IMMP2L: variants seen among roughly 807,000 people sequenced by gnomAD.
The protein encoded by IMMP2L is mitochondrial inner membrane protease subunit 2.
In IMMP2L, 18 loss-of-function variants were observed where a neutral mutation model predicts 19.3. That is an observed-to-expected ratio of 0.93 (90% CI 0.64 to 1.38). The LOEUF is 1.38. IMMP2L is among the 40% of genes most tolerant of loss of function. The pLI is 0.00. For missense variants in IMMP2L, 233 were observed against 218.2 expected, an observed-to-expected ratio of 1.07 and a Z score of -0.43; for synonymous variants, 76 against 73.0, an observed-to-expected ratio of 1.04 and a Z score of -0.21.
rs112419277 is a variant in IMMP2L at position 110,930,381 on chromosome 7, T to G, written c.305+33119A>C. Among the ~76,000 whole-genome samples, 199 of 152,090 alleles carry G rather than the reference T, an allele frequency of 1.3e-3. 2 individuals carry two copies. The highest frequency in any genetic ancestry group is 4.7e-3 in the African/African-American group (194 of 41,504). On this transcript the variant is annotated intron_variant, in intron 4 of 5. Transcript: ENST00000405709. ...CAGACAGCCTTGTACCTGTAAACTC[T>G]CATTGTTTACACCACTCATAAAAGC...
intron 5 of IMMP2L, among the ~76,000 whole-genome samples, chr7:110,832,018 C>T (rs1804015195): frequency 6.6e-6 from 1 of 152,202 alleles, no homozygotes; most frequent in African/African-American, 2.4e-5. Context: ...AATCCCCACA[C>T]TTTGGGAGGT....
At chr7:111,461,771 T>C (rs1395108123) in intron 3 of IMMP2L, among the ~76,000 whole-genome samples, 2 of 152,142 alleles carry the variant, frequency 1.3e-5, no homozygotes, top group African/African-American at 4.8e-5. Flanking sequence ...GGAATGTTTT[T>C]CATATTGTTT....
chr7:111,033,082 T>G (rs1790996484), intron 3 of IMMP2L, among the ~76,000 whole-genome samples: 1 of 152,154 alleles, frequency 6.6e-6, no homozygotes, highest in African/African-American at 2.4e-5. Flanking sequence ...ATCGTGCCAC[T>G]GCACTCCAGC....
chr7:111,374,996 T>TACCAA (rs1830557754), intron 3 of IMMP2L, among the ~76,000 whole-genome samples: 1 of 152,108 alleles, frequency 6.6e-6, no homozygotes, highest in South Asian at 2.1e-4. Context: ...GGTAAATATT[T>TACCAA]ACAGTTCCTA....
In IMMP2L at chr7:111,279,960, C is replaced by T. The variant is rs115541524; in HGVS notation, c.239+207278G>A. Among the ~76,000 whole-genome samples the T allele has an allele frequency of 2.6e-3, 401 of 152,236 alleles. 3 individuals are homozygous for T. The highest frequency in any genetic ancestry group is 9.5e-3 in the African/African-American group (393 of 41,544). The stretch of plus-strand genomic sequence containing the variant: ...TGCTGACTAACCCACTAGTGTCAAC[C>T]TTCTTAGTAGTCTCCTACTTCTACT... On this transcript the variant is annotated intron_variant, in intron 3 of 5. Transcript: ENST00000405709.
intron 5 of IMMP2L, among the ~76,000 whole-genome samples, chr7:110,786,862 C>G (rs887027874): frequency 6.6e-6 from 1 of 151,952 alleles, no homozygotes; most frequent in Admixed American, 6.6e-5. Flanking sequence ...AGGCATTTCT[C>G]CATAACACTG....
intron 4 of IMMP2L, among the ~76,000 whole-genome samples, chr7:110,895,435 T>C (rs1811227824): frequency 6.6e-6 from 1 of 152,170 alleles, no homozygotes; most frequent in South Asian, 2.1e-4. Context: ...TGTGGCTTTA[T>C]AGGTCTTGAA....
chr7:111,193,158 T>C (rs1809084111), intron 3 of IMMP2L, among the ~76,000 whole-genome samples: 1 of 152,182 alleles, frequency 6.6e-6, no homozygotes, highest in Non-Finnish European at 1.5e-5. Flanking sequence ...CTTTTGTTTA[T>C]TTCTCTTTTG....
chr7:111,409,512 C>T (rs1321808456), intron 3 of IMMP2L, among the ~76,000 whole-genome samples: 3 of 151,702 alleles, frequency 2.0e-5, no homozygotes, highest in Non-Finnish European at 2.9e-5. Context: ...CTTGCACATA[C>T]ATGCAAGTAA....
At chr7:111,380,982 G>A (rs1355370260) in intron 3 of IMMP2L, among the ~76,000 whole-genome samples, 1 of 151,910 alleles carries the variant, frequency 6.6e-6, no homozygotes, top group Non-Finnish European at 1.5e-5. Context: ...TCCAGAATGA[G>A]AGTGCAAATC....
intron 2 of IMMP2L, among the ~76,000 whole-genome samples, chr7:111,506,820 C>T (rs962308339): frequency 6.6e-6 from 1 of 151,944 alleles, no homozygotes; most frequent in Non-Finnish European, 1.5e-5. Context: ...CACCTTATAT[C>T]TTTCTGAGGT....
At chr7:111,083,238 C>A (rs902761868) in intron 3 of IMMP2L, among the ~76,000 whole-genome samples, 2 of 151,890 alleles carry the variant, frequency 1.3e-5, no homozygotes, top group Non-Finnish European at 2.9e-5. Context: ...TAAAGGCAGA[C>A]AAATAACAAC....
rs77912752 is a variant in IMMP2L, at chr7:111,474,857, G to A, written c.239+12381C>T. 1.9e-3 allele frequency among the ~76,000 whole-genome samples: 291 copies of A among 151,776 alleles called. 3 individuals carry two copies. Among genetic ancestry groups the A allele is most frequent in the African/African-American group, 6.4e-3 (264 of 41,418 alleles). ...AGAATAATGAATTTTTAATAAACCC[G>A]GAATATTTTAATGATTCTTACTTAA... On this transcript the variant is annotated intron_variant, in intron 3 of 5. Coordinates refer to ENST00000405709, the MANE Select transcript of IMMP2L (RefSeq NM_032549.4).
chr7:110,948,491 G>C (rs1817478232), intron 4 of IMMP2L, among the ~76,000 whole-genome samples: 1 of 152,142 alleles, frequency 6.6e-6, no homozygotes, highest in African/African-American at 2.4e-5. Context: ...AACATAACTG[G>C]AGTTGGGCTG....
intron 3 of IMMP2L, among the ~76,000 whole-genome samples, chr7:111,367,577 A>G (rs754460547): frequency 2.6e-5 from 4 of 151,978 alleles, no homozygotes; most frequent in Admixed American, 6.6e-5. Flanking sequence ...GCACTATGCT[A>G]ATAAGTACTT....
At chr7:111,474,564 C>T (rs1270109893) in intron 3 of IMMP2L, among the ~76,000 whole-genome samples, 1 of 151,560 alleles carries the variant, frequency 6.6e-6, no homozygotes, top group Non-Finnish European at 1.5e-5. Flanking sequence ...TGCTTTTCTT[C>T]CTTTTTGTTA....
chr7:111,010,125 G>A (rs1341286640), intron 3 of IMMP2L, among the ~76,000 whole-genome samples: 1 of 152,076 alleles, frequency 6.6e-6, no homozygotes, highest in African/African-American at 2.4e-5. Flanking sequence ...TACAGGCAAA[G>A]TAAAAAGTAA....
chr7:111,111,664 C>CA (rs1799219268), intron 3 of IMMP2L, among the ~76,000 whole-genome samples: 1 of 151,916 alleles, frequency 6.6e-6, no homozygotes, highest in African/African-American at 2.4e-5. Context: ...AATGTCCCCC[C>CA]CTGCGTCAAT....
chr7:111,120,926 T>C (rs1357553611), intron 3 of IMMP2L, among the ~76,000 whole-genome samples: 1 of 149,338 alleles, frequency 6.7e-6, no homozygotes, highest in African/African-American at 2.6e-5. Context: ...TTATGTTGCC[T>C]CTCTAACAGG....
Sources: gnomAD v4.1 joint callset for allele counts (sites outside exome capture counted in the v4.1 genomes callset) on GRCh38, gnomAD v4.1.1 for gene constraint, MANE v1.5 for transcripts, NCBI Gene and HGNC (gene_info 2026-07-23, HGNC 2026-07-21) for gene names.